The following DLC1 variants were observed in gnomAD, a reference collection of about 807,000 sequenced individuals.
The protein encoded by DLC1 is DLC1 Rho GTPase activating protein.
Under a neutral mutation model 140.3 loss-of-function variants are expected in DLC1, and 54 were observed. The ratio of observed to expected loss-of-function variants is 0.38; its 90% CI spans 0.31 to 0.48. The LOEUF is 0.48. Ranked by LOEUF, DLC1 falls within the 20% of genes least tolerant of loss-of-function variation. The pLI, the probability that DLC1 is intolerant of heterozygous loss-of-function variation, is 0.96. For synonymous variants in DLC1, 986 were observed against 728.1 expected (o/e 1.35, Z -5.70); for missense variants, 2,536 against 1,907.0 (o/e 1.33, Z -6.14).
chr8:13,154,714 C>T (rs145707694), intron 5 of DLC1, among the ~76,000 whole-genome samples: 1 of 152,276 alleles, frequency 6.6e-6, no homozygotes, highest in Non-Finnish European at 1.5e-5. Flanking sequence ...TGAGGAGGCG[C>T]CGAGAGCGAG....
intron 5 of DLC1, among the ~76,000 whole-genome samples, chr8:13,212,874 C>G (rs762862689): frequency 4.6e-5 from 7 of 152,176 alleles, no homozygotes; most frequent in African/African-American, 1.4e-4. Context: ...ATGTTTGTTT[C>G]TAGCTTAAGC....
chr8:13,244,785 G>A (rs1469539117), intron 5 of DLC1, among the ~76,000 whole-genome samples: 2 of 151,954 alleles, frequency 1.3e-5, no homozygotes, highest in African/African-American at 4.8e-5. Flanking sequence ...TCCAATTATA[G>A]TTTCGACATA....
intron 5 of DLC1, among the ~76,000 whole-genome samples, chr8:13,218,893 T>A (rs1482040056): frequency 2.6e-5 from 3 of 116,922 alleles, no homozygotes; most frequent in Non-Finnish European, 5.0e-5. Context: ...TATATGAATA[T>A]ATATAATTAC....
intron 5 of DLC1, among the ~76,000 whole-genome samples, chr8:13,239,370 G>C (rs1829445788): frequency 6.6e-6 from 1 of 152,132 alleles, no homozygotes; most frequent in Non-Finnish European, 1.5e-5. Context: ...GTGGGGAATA[G>C]TGAAAAGTCC....
At chr8:13,280,200 A>G (rs1307554480) in intron 5 of DLC1, among the ~76,000 whole-genome samples, 1 of 149,706 alleles carries the variant, frequency 6.7e-6, no homozygotes. Context: ...AGGCAGGAGA[A>G]TGGCATGAAC....
chr8:13,401,555 T>C lies in DLC1; in HGVS notation c.1088A>G (p.Asp363Gly), dbSNP rs1178922874. The C allele has an allele frequency of 3.1e-6, 5 of 1,613,524 alleles. No homozygotes were observed. The highest frequency in any genetic ancestry group is 4.2e-6 in the Non-Finnish European group (5 of 1,180,018). The change falls in exon 3 of 18, where the codon GAC becomes GGC. Residue 363 changes from aspartate to glycine, a missense_variant. Asp to Gly is a moderately conservative substitution (Grantham distance 94, BLOSUM62 -1). Coordinates refer to ENST00000276297, the MANE Select transcript of DLC1 (RefSeq NM_182643.3). The part of the protein sequence containing the change: ...DSMVLLIMKL[D>G]QLDQDIENAL... ...ATTTTCTATGTCCTGATCAAGCTGGTCCAGTTTCATAATCAGCAGCACCAT... is the reference window on the plus strand; with the variant it reads ...ATTTTCTATGTCCTGATCAAGCTGGCCCAGTTTCATAATCAGCAGCACCAT...
intron 2 of DLC1, among the ~76,000 whole-genome samples, chr8:13,456,464 T>A (rs983788492): frequency 1.3e-5 from 2 of 149,916 alleles, no homozygotes; most frequent in African/African-American, 2.5e-5. Flanking sequence ...TTTTTTTTTT[T>A]ATTTTTATTT....
intron 5 of DLC1, among the ~76,000 whole-genome samples, chr8:13,207,292 G>A (rs1827713259): frequency 6.6e-6 from 1 of 152,064 alleles, no homozygotes; most frequent in Non-Finnish European, 1.5e-5. Flanking sequence ...ATATTTACTA[G>A]TAAAATTTCA....
At chr8:13,205,517 C>T (rs553422305) in intron 5 of DLC1, among the ~76,000 whole-genome samples, 208 of 152,032 alleles carry the variant, frequency 1.4e-3, no homozygotes, top group African/African-American at 4.7e-3. Context: ...GGGCGGGGGG[C>T]CCAAACTTTT....
chr8:13,386,163 T>C (rs535960412), intron 4 of DLC1, among the ~76,000 whole-genome samples: 6 of 152,318 alleles, frequency 3.9e-5, no homozygotes, highest in Admixed American at 2.0e-4. Flanking sequence ...GATGATAGCA[T>C]GCAAAGTACT....
At chr8:13,491,677 G>A (rs181446100) in intron 2 of DLC1, among the ~76,000 whole-genome samples, 4 of 152,212 alleles carry the variant, frequency 2.6e-5, no homozygotes, top group Admixed American at 2.6e-4. Flanking sequence ...TCTCAGTCTT[G>A]AAGGTTTCCT....
chr8:13,337,948 A>G (rs1833876691), intron 4 of DLC1, among the ~76,000 whole-genome samples: 1 of 152,196 alleles, frequency 6.6e-6, no homozygotes, highest in African/African-American at 2.4e-5. Context: ...TCATTCATTT[A>G]TTCTTTCTAT....
In DLC1 at chr8:13,401,522, C is replaced by G; in HGVS notation, c.1121G>C (p.Ser374Thr). The G allele has an allele frequency of 1.2e-6, 2 of 1,613,116 alleles. No individual in the cohort carries two copies. The highest frequency in any genetic ancestry group is 1.7e-6 in the Non-Finnish European group (2 of 1,180,000). ...TGTGCCTGATGGAGAGGAGCTGGTG[C>G]TGAGGGCATTTTCTATGTCCTGATC... ...QLDQDIENAL[S>T]TSSSPSGTPT... Residue 374 changes from serine to threonine, a missense_variant, in exon 3 of 18, where the codon AGC becomes ACC. Coordinates refer to ENST00000276297, the MANE Select transcript of DLC1 (RefSeq NM_182643.3).
intron 4 of DLC1, among the ~76,000 whole-genome samples, chr8:13,367,948 C>T (rs1563289620): frequency 6.6e-6 from 1 of 152,252 alleles, no homozygotes; most frequent in East Asian, 1.9e-4. Context: ...CTCTTCAAAT[C>T]CCAATTATGA....
At chr8:13,364,868 A>C (rs1835405893) in intron 4 of DLC1, among the ~76,000 whole-genome samples, 1 of 152,236 alleles carries the variant, frequency 6.6e-6, no homozygotes, top group Non-Finnish European at 1.5e-5. Context: ...AACAATAAAA[A>C]TAAATTGCCA....
rs115809690 is a variant in DLC1 at position 13,490,037 on chromosome 8, C to A, written c.1023+9012G>T. Among the ~76,000 whole-genome samples the A allele has an allele frequency of 9.9e-3, 756 of 76,290 alleles. 6 individuals carry two copies. The highest frequency in any genetic ancestry group is 0.031 in the African/African-American group (657 of 20,930). The allele number at this position is 76,290 out of a possible 152,430, so 50.0% of individuals were successfully genotyped here. A position where few individuals can be genotyped will look rare whatever the true frequency, so the allele number is the denominator to read the frequency against. ...ATTTTCCAGGGGCATGAAAGGCTCA[C>A]AAAGGTTAAATACACCCCCCACTTT... On this transcript the variant is annotated intron_variant, in intron 2 of 17. Coordinates refer to ENST00000276297, the MANE Select transcript of DLC1 (RefSeq NM_182643.3).
chr8:13,498,737 T>C (rs1801628766), intron 2 of DLC1: 1 of 224,652 alleles, frequency 4.5e-6, no homozygotes, highest in African/African-American at 2.3e-5. Context: ...TTGAATTGCA[T>C]GTCTATGAGC....
At chr8:13,505,466 T>TATC (rs1299448003) in intron 1 of DLC1, among the ~76,000 whole-genome samples, 1 of 152,236 alleles carries the variant, frequency 6.6e-6, no homozygotes, top group African/African-American at 2.4e-5. Flanking sequence ...AAGAAAGTCT[T>TATC]ATCTCTGGAT....
At chr8:13,278,740 AG>A (rs1464204606) in intron 5 of DLC1, among the ~76,000 whole-genome samples, 3 of 152,172 alleles carry the variant, frequency 2.0e-5, no homozygotes, top group African/African-American at 7.2e-5. Context: ...AATGGTAGGA[AG>A]CTTTTCTACA....
Sources: allele counts gnomAD v4.1 joint callset (sites outside exome capture counted in the v4.1 genomes callset), GRCh38; gene constraint gnomAD v4.1.1; transcripts MANE v1.5; gene names NCBI Gene and HGNC (gene_info 2026-07-23, HGNC 2026-07-21).